The following GALNT13 variants were observed in gnomAD, a reference collection of about 807,000 sequenced individuals.
GALNT13 encodes polypeptide N-acetylgalactosaminyltransferase 13.
A neutral mutation model predicts 64.2 loss-of-function variants in GALNT13; 28 were observed. The observed-to-expected ratio is 0.44, with a 90% CI of 0.32 to 0.60. The LOEUF (loss-of-function observed/expected upper bound fraction) is 0.60. Ranked by LOEUF, GALNT13 falls within the 20% of genes least tolerant of loss-of-function variation. The probability of loss-of-function intolerance (pLI) is 0.05; values close to 1 mark genes in which losing one functional copy is unlikely to be tolerated. For synonymous variants in GALNT13, 214 were observed against 224.6 expected, an observed-to-expected ratio of 0.95 and a Z score of 0.42; for missense variants, 577 against 669.8, an observed-to-expected ratio of 0.86 and a Z score of 1.53.
At chr2:153,861,284 C>T in the GALNT13 span, among the ~76,000 whole-genome samples, 1 of 152,146 alleles carries the variant, frequency 6.6e-6, no homozygotes, top group African/African-American at 2.4e-5. Context: ...GAAATAACTA[C>T]TTCTCAGAGG....
the GALNT13 span, among the ~76,000 whole-genome samples, chr2:153,168,879 C>A: frequency 2.7e-4 from 41 of 152,214 alleles, no homozygotes; most frequent in East Asian, 7.3e-3. Flanking sequence ...TGGTTTTTTC[C>A]TGTGCTTCCA....
chr2:153,619,232 A>G, the GALNT13 span, among the ~76,000 whole-genome samples: 4 of 152,122 alleles, frequency 2.6e-5, no homozygotes, highest in East Asian at 7.7e-4. Context: ...TGTTAATACT[A>G]TTTTATAACC....
intron 2 of GALNT13, among the ~76,000 whole-genome samples, chr2:153,930,206 T>C (rs534858274): frequency 1.8e-4 from 28 of 152,234 alleles, no homozygotes; most frequent in African/African-American, 6.5e-4. Flanking sequence ...TTTTGCTTGT[T>C]TATTTAAGTT....
chr2:153,462,741 A>G, the GALNT13 span, among the ~76,000 whole-genome samples: 1 of 152,144 alleles, frequency 6.6e-6, no homozygotes, highest in Non-Finnish European at 1.5e-5. Context: ...AAACTTTGTC[A>G]CTGTTCAAAA....
chr2:153,181,437 C>G, the GALNT13 span, among the ~76,000 whole-genome samples: 1 of 150,810 alleles, frequency 6.6e-6, no homozygotes, highest in South Asian at 2.1e-4. Context: ...TAAGATCTAT[C>G]CTGGAGAATG....
At chr2:153,334,151 A>G in the GALNT13 span, among the ~76,000 whole-genome samples, 1 of 152,206 alleles carries the variant, frequency 6.6e-6, no homozygotes, top group African/African-American at 2.4e-5. Flanking sequence ...AGAAATGAGA[A>G]AAGTAGGCCT....
At chr2:153,901,326 A>C (rs1277884111) in intron 2 of GALNT13, among the ~76,000 whole-genome samples, 3 of 152,112 alleles carry the variant, frequency 2.0e-5, no homozygotes, top group Non-Finnish European at 4.4e-5. Context: ...TTGGTTTATG[A>C]ATTATAAAAT....
intron 9 of GALNT13, among the ~76,000 whole-genome samples, chr2:154,325,667 T>C (rs989301604): frequency 1.3e-5 from 2 of 152,136 alleles, no homozygotes; most frequent in African/African-American, 2.4e-5. Flanking sequence ...TGTGATGCTT[T>C]AGTATAGTCA....
At chr2:154,167,019 C>G (rs1685068644) in intron 4 of GALNT13, among the ~76,000 whole-genome samples, 1 of 151,856 alleles carries the variant, frequency 6.6e-6, no homozygotes, top group Non-Finnish European at 1.5e-5. Flanking sequence ...GGAGATATAC[C>G]TAATGTAAAT....
the GALNT13 span, among the ~76,000 whole-genome samples, chr2:153,694,492 A>G: frequency 1.3e-5 from 2 of 152,238 alleles, no homozygotes; most frequent in African/African-American, 4.8e-5. Context: ...ATAATGAATG[A>G]AAGAAGCCAG....
At chr2:153,531,568 A>G in the GALNT13 span, among the ~76,000 whole-genome samples, 1 of 152,146 alleles carries the variant, frequency 6.6e-6, no homozygotes, top group Non-Finnish European at 1.5e-5. Context: ...TTCATCTCAC[A>G]TTTAAAAATA....
chr2:154,332,188 G>A (rs1695202688), intron 9 of GALNT13, among the ~76,000 whole-genome samples: 1 of 152,060 alleles, frequency 6.6e-6, no homozygotes, highest in Non-Finnish European at 1.5e-5. Flanking sequence ...GGAAAAACTG[G>A]AGGAGAAAAG....
chr2:153,691,862 A>G, the GALNT13 span, among the ~76,000 whole-genome samples: 3 of 152,258 alleles, frequency 2.0e-5, no homozygotes, highest in East Asian at 1.9e-4. Context: ...TTTGTAAAAA[A>G]TTTTATTCCT....
the GALNT13 span, among the ~76,000 whole-genome samples, chr2:153,737,730 G>A: frequency 6.6e-6 from 1 of 152,016 alleles, no homozygotes; most frequent in Non-Finnish European, 1.5e-5. Flanking sequence ...TTTAAGAGCA[G>A]AAAACAGGAC....
chr2:153,621,078 T>C, the GALNT13 span, among the ~76,000 whole-genome samples: 2 of 152,226 alleles, frequency 1.3e-5, no homozygotes, highest in East Asian at 1.9e-4. Context: ...ACAGAGACTC[T>C]TGTACTCTTC....
At chr2:153,949,800 A>T (rs1375684858) in intron 3 of GALNT13, among the ~76,000 whole-genome samples, 1 of 152,088 alleles carries the variant, frequency 6.6e-6, no homozygotes, top group Non-Finnish European at 1.5e-5. Context: ...GGCGAACCAC[A>T]TGTGTACATA....
the GALNT13 span, among the ~76,000 whole-genome samples, chr2:153,786,138 C>T: frequency 6.6e-6 from 1 of 152,118 alleles, no homozygotes; most frequent in African/African-American, 2.4e-5. Context: ...GACTCCATCA[C>T]AACCACCCTG....
the GALNT13 span, among the ~76,000 whole-genome samples, chr2:153,757,901 T>A: frequency 1.3e-5 from 2 of 152,204 alleles, no homozygotes; most frequent in Non-Finnish European, 2.9e-5. Flanking sequence ...ATTAGATGTA[T>A]GGCTTGCAAA....
chr2:153,143,598 T>A, the GALNT13 span, among the ~76,000 whole-genome samples: 7 of 152,056 alleles, frequency 4.6e-5, no homozygotes, highest in Non-Finnish European at 7.4e-5. Context: ...TTCATTCATC[T>A]TGCAAAGCAA....
Sources: allele counts gnomAD v4.1 joint callset (sites outside exome capture counted in the v4.1 genomes callset), GRCh38; gene constraint gnomAD v4.1.1; transcripts MANE v1.5; gene names NCBI Gene and HGNC (gene_info 2026-07-23, HGNC 2026-07-21).